Variants in ANXA8 observed in about 807,000 individuals in gnomAD.
The protein encoded by ANXA8 is VAC-beta.
In ANXA8, 9 loss-of-function variants were observed where a neutral mutation model predicts 26.8. That is an observed-to-expected ratio of 0.34 (90% CI 0.20 to 0.59). The LOEUF (loss-of-function observed/expected upper bound fraction) is 0.59. Ranked by LOEUF, ANXA8 falls within the 20% of genes least tolerant of loss-of-function variation. ANXA8 has a pLI of 0.84. For missense variants in ANXA8, 83 were observed against 238.5 expected (o/e 0.35, Z 4.29); for synonymous variants, 39 against 94.8 (o/e 0.41, Z 3.42).
chr10:47,702,820 G>C, the ANXA8 span, among the ~76,000 whole-genome samples: 3 of 151,124 alleles, frequency 2.0e-5, no homozygotes, highest in Non-Finnish European at 4.4e-5. Flanking sequence ...TTCTTGTAGA[G>C]ACTGGATTTC....
chr10:47,736,751 T>C, the ANXA8 span, among the ~76,000 whole-genome samples: 1 of 143,178 alleles, frequency 7.0e-6, no homozygotes, highest in African/African-American at 2.6e-5. Context: ...GCCTCCTGGG[T>C]TCAAGCGATT....
chr10:47,881,984 T>TG, the ANXA8 span, among the ~76,000 whole-genome samples: 1 of 152,214 alleles, frequency 6.6e-6, no homozygotes, highest in East Asian at 1.9e-4. Context: ...GGTGTTTGTG[T>TG]GTGCAGATGT....
the ANXA8 span, among the ~76,000 whole-genome samples, chr10:47,556,391 AT>A: frequency 6.6e-6 from 1 of 151,986 alleles, no homozygotes; most frequent in Admixed American, 6.6e-5. Context: ...AGTTACTGTT[AT>A]CTTTTACTAA....
At chr10:47,469,153 A>C (rs1208517373) in intron 11 of ANXA8, among the ~76,000 whole-genome samples, 1 of 148,138 alleles carries the variant, frequency 6.8e-6, no homozygotes, top group African/African-American at 2.5e-5. Context: ...AATGAATCAG[A>C]GACAGTTCCA....
At chr10:47,671,265 A>G in the ANXA8 span, among the ~76,000 whole-genome samples, 2 of 151,708 alleles carry the variant, frequency 1.3e-5, no homozygotes, top group Non-Finnish European at 2.9e-5. Context: ...TCTACAAAAA[A>G]TGAAAAATTA....
At chr10:47,679,093 G>C in the ANXA8 span, among the ~76,000 whole-genome samples, 1 of 144,106 alleles carries the variant, frequency 6.9e-6, no homozygotes, top group Non-Finnish European at 1.5e-5. Context: ...TAAGAAAATA[G>C]TGGCTCATCA....
chr10:47,733,299 T>TTTCTTTCTTTCTTTG, the ANXA8 span, among the ~76,000 whole-genome samples: 5 of 100,638 alleles, frequency 5.0e-5, 1 homozygote, highest in Non-Finnish European at 1.0e-4. Context: ...TTCTTTCTTT[T>TTTCTTTCTTTCTTTG]TTTTCTTTCT....
At chr10:47,701,728 C>T in the ANXA8 span, among the ~76,000 whole-genome samples, 2 of 151,610 alleles carry the variant, frequency 1.3e-5, no homozygotes, top group African/African-American at 4.9e-5. Context: ...TGGTCACCTA[C>T]AGGGGGCACG....
chr10:47,768,151 T>C, the ANXA8 span, among the ~76,000 whole-genome samples: 1 of 151,340 alleles, frequency 6.6e-6, no homozygotes, highest in Admixed American at 6.6e-5. Flanking sequence ...CTAAAGTTTT[T>C]TGACCCCCCT....
At chr10:47,720,784 G>A in the ANXA8 span, among the ~76,000 whole-genome samples, 18 of 140,056 alleles carry the variant, frequency 1.3e-4, no homozygotes, top group Non-Finnish European at 2.5e-4. Flanking sequence ...TATTATGTTT[G>A]TTATAAATAA....
chr10:47,696,446 A>C, the ANXA8 span: 1 of 1,367,922 alleles, frequency 7.3e-7, no homozygotes, highest in South Asian at 1.3e-5. Context: ...AGACAGTACT[A>C]CAATCAACAT....
chr10:47,682,935 A>G, the ANXA8 span, among the ~76,000 whole-genome samples: 353 of 152,318 alleles, frequency 2.3e-3, no homozygotes, highest in Middle Eastern at 0.017. Context: ...CACTGGCCTA[A>G]GGCATCTCAG....
chr10:47,505,382 C>T, the ANXA8 span, among the ~76,000 whole-genome samples: 4 of 94,694 alleles, frequency 4.2e-5, no homozygotes, highest in Non-Finnish European at 6.2e-5. Context: ...AGGTAAAAAA[C>T]ATAGCCTGAA....
the ANXA8 span, among the ~76,000 whole-genome samples, chr10:47,552,979 A>T: frequency 1.3e-5 from 2 of 151,942 alleles, no homozygotes; most frequent in African/African-American, 4.8e-5. Flanking sequence ...CTTCTCACAG[A>T]CACACACACG....
At chr10:47,761,096 ACACACG>A in the ANXA8 span, among the ~76,000 whole-genome samples, 1 of 72,416 alleles carries the variant, frequency 1.4e-5, no homozygotes, top group Non-Finnish European at 3.1e-5. Flanking sequence ...ACACACACAC[ACACACG>A]CACACACACA....
chr10:47,566,975 A>G, the ANXA8 span, among the ~76,000 whole-genome samples: 5 of 147,876 alleles, frequency 3.4e-5, no homozygotes, highest in African/African-American at 1.0e-4. Context: ...GGAGCCCTGG[A>G]CTGCCAGGTA....
the ANXA8 span, among the ~76,000 whole-genome samples, chr10:47,683,300 C>T: frequency 1.4e-4 from 19 of 139,324 alleles, no homozygotes; most frequent in African/African-American, 4.1e-4. Context: ...GCAATCTTGG[C>T]TCACTGCAAG....
chr10:47,681,600 C>T, the ANXA8 span, among the ~76,000 whole-genome samples: 4 of 121,158 alleles, frequency 3.3e-5, no homozygotes, highest in African/African-American at 6.2e-5. Flanking sequence ...GGCACAATCA[C>T]GGCTTACTGT....
At chr10:47,759,373 A>AC in the ANXA8 span, among the ~76,000 whole-genome samples, 1 of 126,110 alleles carries the variant, frequency 7.9e-6, no homozygotes, top group Non-Finnish European at 1.7e-5. Flanking sequence ...TTGTGTTTTC[A>AC]CCCACTCTCT....
Sources: gnomAD v4.1 joint callset for allele counts (sites outside exome capture counted in the v4.1 genomes callset) on GRCh38, gnomAD v4.1.1 for gene constraint, MANE v1.5 for transcripts, NCBI Gene and HGNC (gene_info 2026-07-23, HGNC 2026-07-21) for gene names.